The following SLC35B4 variants were observed in gnomAD, a reference collection of about 807,000 sequenced individuals.
SLC35B4 encodes solute carrier family 35 member B4.
SLC35B4 carries 28 observed loss-of-function variants against 39.5 expected under a neutral mutation model. The ratio of observed to expected loss-of-function variants is 0.71; its 90% CI spans 0.53 to 0.97. SLC35B4 has a LOEUF of 0.97. SLC35B4 is among the 50% of genes least tolerant of loss of function. SLC35B4 has a pLI of 0.00. For synonymous variants in SLC35B4, 145 were observed against 150.4 expected (o/e 0.96, Z 0.26); for missense variants, 334 against 414.3 (o/e 0.81, Z 1.68).
rs1291775715 is a variant in SLC35B4 at position 134,291,232 on chromosome 7, A to C, written c.*3601T>G. The C allele has an allele frequency of 6.6e-6, 1 of 152,234 alleles. No homozygotes were observed. Among genetic ancestry groups the C allele is most frequent in the Non-Finnish European group, 1.5e-5 (1 of 68,046 alleles). 9.4% of individuals were successfully genotyped at this position (152,234 alleles called of 1,614,324 possible). Reference sequence around the variant, plus strand: ...TAACCCTTCACATTCATCGTCATCTACAGATATGGCATTCACACATTCTGC... The same window carrying C: ...TAACCCTTCACATTCATCGTCATCTCCAGATATGGCATTCACACATTCTGC... On this transcript the variant is annotated 3_prime_UTR_variant, in exon 10 of 10. Coordinates refer to ENST00000378509, the MANE Select transcript of SLC35B4 (RefSeq NM_032826.5).
chr7:134,318,613 C>T (rs74663673), upstream of SLC35B4, among the ~76,000 whole-genome samples: 26 of 152,220 alleles, frequency 1.7e-4, no homozygotes, highest in East Asian at 1.9e-3. Flanking sequence ...AATAATCCTG[C>T]CAACAGGAAG....
intron 1 of SLC35B4, among the ~76,000 whole-genome samples, chr7:134,311,367 A>C (rs1209129638): frequency 6.6e-6 from 1 of 152,150 alleles, no homozygotes; most frequent in Non-Finnish European, 1.5e-5. Context: ...CCTGTTTCCC[A>C]AATGGTCGGC....
At chr7:134,308,670 A>C (rs1300186250) in intron 2 of SLC35B4, among the ~76,000 whole-genome samples, 2 of 152,206 alleles carry the variant, frequency 1.3e-5, no homozygotes, top group Admixed American at 1.3e-4. Flanking sequence ...GGAGTAAGTG[A>C]CATCATCCTA....
chr7:134,296,970 G>C (rs1803482339), intron 8 of SLC35B4, among the ~76,000 whole-genome samples: 2 of 152,204 alleles, frequency 1.3e-5, no homozygotes, highest in Admixed American at 6.5e-5. Flanking sequence ...ATCCAGGCTG[G>C]AGTGCAGTGG....
intron 6 of SLC35B4, among the ~76,000 whole-genome samples, chr7:134,300,733 A>G (rs1024634573): frequency 6.6e-6 from 1 of 152,200 alleles, no homozygotes; most frequent in African/African-American, 2.4e-5. Context: ...CATAAGTGGA[A>G]TTACTGAGTC....
Position 134,314,972 on chromosome 7 carries a change from C to T in SLC35B4, c.77+1703G>A, listed in dbSNP as rs1334361274. Among the ~76,000 whole-genome samples the T allele has an allele frequency of 2.0e-5, 3 of 151,924 alleles. No homozygotes were observed. In the East Asian group the frequency reaches 5.8e-4, roughly 29 times the overall value. ...CCCAAGTCAAATAACAGATCTTTAT[C>T]AACACTTTCTGTACAATAAAATGTC... On this transcript the variant is annotated intron_variant, in intron 1 of 9. Coordinates refer to ENST00000378509, the MANE Select transcript of SLC35B4 (RefSeq NM_032826.5).
rs1803419856 is a variant in SLC35B4 at position 134,294,789 on chromosome 7, T to C, written c.*44A>G. On this transcript the variant is annotated 3_prime_UTR_variant, in exon 10 of 10. Transcript: ENST00000378509. ...AAACGGTGGTCAGACCTTCACAGGG[T>C]CCCACCCTCACGACGACACTGGTCT... The C allele has an allele frequency of 6.2e-7, 1 of 1,605,394 alleles. No individual in the cohort carries two copies. The highest frequency in any genetic ancestry group is 1.3e-5 in the African/African-American group (1 of 74,554).
At chr7:134,320,112 G>C (rs532978948), upstream of SLC35B4, among the ~76,000 whole-genome samples, 288 of 152,234 alleles carry the variant, frequency 1.9e-3, 3 homozygotes, top group Non-Finnish European at 3.3e-3. Context: ...GTGATTCAAA[G>C]CAAAACAAAC....
At chr7:134,302,522 G>C (rs1289647828) in intron 4 of SLC35B4, among the ~76,000 whole-genome samples, 2 of 152,270 alleles carry the variant, frequency 1.3e-5, no homozygotes, top group Non-Finnish European at 2.9e-5. Flanking sequence ...GGAAAAACAG[G>C]CTATCAGGTG....
intron 1 of SLC35B4, among the ~76,000 whole-genome samples, chr7:134,315,642 C>CA (rs376704817): frequency 0.043 from 4,266 of 99,726 alleles, 194 homozygotes; most frequent in African/African-American, 0.13. Context: ...CTCCCAAATC[C>CA]AAAAAAAAAA....
rs1803995224 is a variant in SLC35B4, at chr7:134,316,807, T to C, written c.-56A>G. On this transcript the variant is annotated 5_prime_UTR_variant, in exon 1 of 10. An upstream open reading frame in the 5' UTR loses its in-frame stop. Transcript: ENST00000378509. ...CAGAGTAAGCGCCCGCCTGTACCGC[T>C]ACCCCAGGAAGCCGGCCTCCTGCCT... The C allele has an allele frequency of 1.3e-6, 2 of 1,518,058 alleles. No homozygotes were observed. The highest frequency in any genetic ancestry group is 1.8e-6 in the Non-Finnish European group (2 of 1,124,220). 94.0% of individuals were successfully genotyped at this position (1,518,058 alleles called of 1,614,324 possible). A position where few individuals can be genotyped will look rare whatever the true frequency, so the allele number is the denominator to read the frequency against.
chr7:134,303,042 T>A (rs1803623936), intron 4 of SLC35B4, among the ~76,000 whole-genome samples: 1 of 152,064 alleles, frequency 6.6e-6, no homozygotes, highest in South Asian at 2.1e-4. Flanking sequence ...AAGGCATGGG[T>A]AAGGTGAATA....
Position 134,291,738 on chromosome 7 carries a change from A to G in SLC35B4, c.*3095T>C, listed in dbSNP as rs1803333253. The G allele has an allele frequency of 6.6e-6, 1 of 152,254 alleles. No individual in the cohort carries two copies. The highest frequency in any genetic ancestry group is 1.5e-5 in the Non-Finnish European group (1 of 68,034). The allele number at this position is 152,254 out of a possible 1,614,324, so 9.4% of individuals were successfully genotyped here. A position where few individuals can be genotyped will look rare whatever the true frequency, so the allele number is the denominator to read the frequency against. On this transcript the variant is annotated 3_prime_UTR_variant, in exon 10 of 10. Coordinates refer to ENST00000378509, the MANE Select transcript of SLC35B4 (RefSeq NM_032826.5). Reference sequence around the variant, plus strand: ...ATTTGTCTAAATACTTTAGAACTTGATATAAATGTATCAAGTACATTACAG... The same window carrying G: ...ATTTGTCTAAATACTTTAGAACTTGGTATAAATGTATCAAGTACATTACAG...
chr7:134,320,294 A>C (rs370638722), upstream of SLC35B4, among the ~76,000 whole-genome samples: 23 of 152,260 alleles, frequency 1.5e-4, no homozygotes, highest in African/African-American at 4.8e-4. Context: ...GGCAGGAGCA[A>C]GTCTCTTGAC....
chr7:134,304,909 C>A, intron 3 of SLC35B4, 55 bp from the exon 4 acceptor site: 1 of 1,379,870 alleles, frequency 7.2e-7, no homozygotes, highest in Non-Finnish European at 1.0e-6. Context: ...AAAAAAACAA[C>A]GTAATTCGAG....
At chr7:134,319,653 T>C (rs1395078761), upstream of SLC35B4, among the ~76,000 whole-genome samples, 1 of 152,178 alleles carries the variant, frequency 6.6e-6, no homozygotes, top group Non-Finnish European at 1.5e-5. Context: ...TAATCAAAAT[T>C]TCCAGTGTCT....
chr7:134,306,526 A>C (rs560363234), intron 3 of SLC35B4, 146 bp downstream of exon 3: 1 of 512,318 alleles, frequency 2.0e-6, no homozygotes, highest in Admixed American at 3.9e-5. Flanking sequence ...CTCAGATGAA[A>C]GCCACCCTTG....
At position 134,304,147 on chromosome 7, in the gene SLC35B4, C is replaced by G. The variant is rs190917887; in HGVS notation, c.344+658G>C. On this transcript the variant is annotated intron_variant, in intron 4 of 9. Coordinates refer to ENST00000378509, the MANE Select transcript of SLC35B4 (RefSeq NM_032826.5). ...CTCTCCAACGTGGTCACTACCAGCT[C>G]TGTGAGTCTACTGAGCACTGAAAAT... Among the ~76,000 whole-genome samples the G allele has an allele frequency of 5.5e-3, 831 of 152,274 alleles. 20 individuals are homozygous for G. The highest frequency in any genetic ancestry group is 5.0e-3 in the South Asian group (24 of 4,824).
At chr7:134,307,960 G>A (rs1312854130) in intron 2 of SLC35B4, among the ~76,000 whole-genome samples, 1 of 152,178 alleles carries the variant, frequency 6.6e-6, no homozygotes, top group Non-Finnish European at 1.5e-5. Flanking sequence ...ACCTTGAAGA[G>A]GTGCCATTTA....
Sources: gnomAD v4.1 joint callset for allele counts (sites outside exome capture counted in the v4.1 genomes callset) on GRCh38, gnomAD v4.1.1 for gene constraint, MANE v1.5 for transcripts, NCBI Gene and HGNC (gene_info 2026-07-23, HGNC 2026-07-21) for gene names.